TNS3: variants seen among roughly 807,000 people sequenced by gnomAD.
The protein encoded by TNS3 is tensin-3.
Under a neutral mutation model 140.9 loss-of-function variants are expected in TNS3, and 45 were observed. That is an observed-to-expected ratio of 0.32 (90% CI 0.25 to 0.41). The LOEUF is 0.41. TNS3 is among the 10% of genes least tolerant of loss of function. The pLI is 1.00. For missense variants in TNS3, 1,716 were observed against 1,906.7 expected, an observed-to-expected ratio of 0.90 and a Z score of 1.86; for synonymous variants, 815 against 788.4, an observed-to-expected ratio of 1.03 and a Z score of -0.56.
intron 4 of TNS3, among the ~76,000 whole-genome samples, chr7:47,461,532 C>T (rs1452725253): frequency 6.6e-6 from 1 of 152,176 alleles, no homozygotes; most frequent in Admixed American, 6.5e-5. Context: ...GGGCCTTCCT[C>T]ACCACCCCTG....
intron 3 of TNS3, among the ~76,000 whole-genome samples, chr7:47,506,667 A>G (rs1211802905): frequency 2.0e-5 from 3 of 152,148 alleles, no homozygotes; most frequent in African/African-American, 4.8e-5. Flanking sequence ...CCAGGGGACA[A>G]CTATTGAATT....
rs1162294865 is a variant in TNS3, at chr7:47,344,758, G to A, written c.2647C>T (p.Arg883Cys). ...SSPASQHKGG[R>C]EPRSCPETLT... is the part of the protein sequence containing the mutation. The stretch of plus-strand genomic sequence containing the variant: ...GACCCGCGGGTAGATTTCTTACCAC[G>A]TCCTCCTTTGTGCTGACTGGCTGGG... Residue 883 changes from arginine to cysteine, a missense_variant, in exon 20 of 31, where the codon CGT becomes TGT. Physicochemically the swap from Arg to Cys is radical, Grantham distance 180. Coordinates refer to ENST00000311160, the MANE Select transcript of TNS3 (RefSeq NM_022748.12). The A allele has an allele frequency of 9.3e-6, 15 of 1,611,162 alleles. No individual in the cohort carries two copies. The highest frequency in any genetic ancestry group is 4.5e-5 in the East Asian group (2 of 44,848).
At chr7:47,453,215 G>T in intron 4 of TNS3, 1 of 985,586 alleles carries the variant, frequency 1.0e-6, no homozygotes, top group Non-Finnish European at 1.2e-6. Flanking sequence ...TGTCCGCCCG[G>T]GGCTGAGGGC....
intron 15 of TNS3, among the ~76,000 whole-genome samples, chr7:47,399,713 C>G (rs541981181): frequency 6.6e-6 from 1 of 152,226 alleles, no homozygotes; most frequent in African/African-American, 2.4e-5. Flanking sequence ...GACCTGAAAC[C>G]ATAAAAAGTC....
At chr7:47,278,320 T>C (rs540975909) in intron 30 of TNS3, 100 bp from the exon 31 acceptor site, 1 of 1,403,540 alleles carries the variant, frequency 7.1e-7, no homozygotes, top group African/African-American at 1.4e-5. Flanking sequence ...GAATTTTAAG[T>C]GGCACCTATC....
At chr7:47,369,916 T>A (rs1790956132) in intron 16 of TNS3, among the ~76,000 whole-genome samples, 1 of 152,222 alleles carries the variant, frequency 6.6e-6, no homozygotes. Context: ...TCATCTTGCC[T>A]TTAGGGCTCA....
At chr7:47,395,017 C>T (rs1442390556) in intron 16 of TNS3, among the ~76,000 whole-genome samples, 4 of 152,248 alleles carry the variant, frequency 2.6e-5, no homozygotes, top group East Asian at 1.9e-4. Flanking sequence ...CTTCACTGCT[C>T]CCCTCTTACG....
chr7:47,348,970 C>T (rs1480548734), intron 17 of TNS3, among the ~76,000 whole-genome samples: 2 of 152,186 alleles, frequency 1.3e-5, no homozygotes, highest in African/African-American at 4.8e-5. Context: ...TGGAAGTTTC[C>T]TTCAACATGT....
chr7:47,537,594 C>G (rs556384590), intron 1 of TNS3, among the ~76,000 whole-genome samples: 1 of 152,122 alleles, frequency 6.6e-6, no homozygotes. Flanking sequence ...GATTTCAAAC[C>G]TCTCCGAGAA....
intron 17 of TNS3, among the ~76,000 whole-genome samples, chr7:47,363,144 A>G (rs570254052): frequency 1.9e-3 from 151 of 77,698 alleles, no homozygotes; most frequent in African/African-American, 4.4e-3. Context: ...TGTCATCATC[A>G]CCATCATCAT....
At chr7:47,419,882 C>G (rs542744987) in intron 10 of TNS3, among the ~76,000 whole-genome samples, 1 of 152,224 alleles carries the variant, frequency 6.6e-6, no homozygotes, top group African/African-American at 2.4e-5. Flanking sequence ...CCCTAGCCAC[C>G]CCCTTCTCCC....
intron 24 of TNS3, among the ~76,000 whole-genome samples, chr7:47,294,846 C>T (rs1205375448): frequency 1.3e-5 from 2 of 152,286 alleles, no homozygotes; most frequent in Admixed American, 6.5e-5. Flanking sequence ...AAGAAAATGA[C>T]GCCTGGCTTC....
At chr7:47,536,499 C>T (rs969331502) in intron 1 of TNS3, among the ~76,000 whole-genome samples, 11 of 152,244 alleles carry the variant, frequency 7.2e-5, no homozygotes, top group African/African-American at 2.7e-4. Context: ...GCGCATCCCC[C>T]ACTTCATTGC....
At chr7:47,310,318 A>G (rs1047012605) in intron 20 of TNS3, among the ~76,000 whole-genome samples, 7 of 152,166 alleles carry the variant, frequency 4.6e-5, no homozygotes, top group Non-Finnish European at 8.8e-5. Flanking sequence ...GATGCTAAGT[A>G]ACCAAAAACG....
intron 1 of TNS3, among the ~76,000 whole-genome samples, chr7:47,578,514 G>A (rs951924118): frequency 3.3e-5 from 5 of 151,666 alleles, no homozygotes; most frequent in African/African-American, 1.2e-4. Flanking sequence ...GGCAACAGGT[G>A]AGGGATACCA....
At chr7:47,496,830 C>T (rs985320375) in intron 3 of TNS3, among the ~76,000 whole-genome samples, 2 of 152,188 alleles carry the variant, frequency 1.3e-5, no homozygotes, top group Non-Finnish European at 2.9e-5. Flanking sequence ...GCGATGTGGG[C>T]CAGGACTACG....
At chr7:47,556,358 A>T (rs1202128689) in intron 1 of TNS3, among the ~76,000 whole-genome samples, 1 of 152,164 alleles carries the variant, frequency 6.6e-6, no homozygotes, top group African/African-American at 2.4e-5. Flanking sequence ...TCATCCTGAG[A>T]CACACTAAGG....
intron 17 of TNS3, among the ~76,000 whole-genome samples, chr7:47,361,770 G>A (rs181658057): frequency 6.6e-6 from 1 of 152,232 alleles, no homozygotes; most frequent in East Asian, 1.9e-4. Context: ...GCCGAGTCTG[G>A]GAGGGACATT....
intron 16 of TNS3, among the ~76,000 whole-genome samples, chr7:47,370,410 G>A (rs984058530): frequency 3.9e-5 from 6 of 152,344 alleles, no homozygotes; most frequent in Middle Eastern, 6.8e-3. Context: ...CGTAGGTGCC[G>A]GGTGAATGTC....
Sources: gnomAD v4.1 joint callset for allele counts (sites outside exome capture counted in the v4.1 genomes callset) on GRCh38, gnomAD v4.1.1 for gene constraint, MANE v1.5 for transcripts, NCBI Gene and HGNC (gene_info 2026-07-23, HGNC 2026-07-21) for gene names.